The following LRRC4C variants were observed in gnomAD, a reference collection of about 807,000 sequenced individuals.
LRRC4C encodes leucine-rich repeat-containing protein 4C.
In LRRC4C, 5 loss-of-function variants were observed where a neutral mutation model predicts 33.6. The observed-to-expected ratio is 0.15, with a 90% CI of 0.08 to 0.31. The LOEUF (loss-of-function observed/expected upper bound fraction) is 0.31, where lower values mean the gene tolerates loss of function less well. LRRC4C is among the 10% of genes least tolerant of loss of function. LRRC4C has a pLI of 1.00. For missense variants in LRRC4C, 560 were observed against 796.7 expected (o/e 0.70, Z 3.58); for synonymous variants, 329 against 302.0 (o/e 1.09, Z -0.93).
chr11:40,697,339 C>T (rs765948836), intron 2 of LRRC4C, among the ~76,000 whole-genome samples: 3 of 152,012 alleles, frequency 2.0e-5, no homozygotes, highest in Middle Eastern at 3.4e-3. Flanking sequence ...AGACTCAAAG[C>T]GCAAGGAGGC....
At chr11:40,847,460 C>A (rs193205301) in intron 2 of LRRC4C, among the ~76,000 whole-genome samples, 4 of 152,194 alleles carry the variant, frequency 2.6e-5, no homozygotes, top group Admixed American at 2.0e-4. Context: ...TGTTGATCTG[C>A]GTATGTTGAA....
chr11:41,131,129 T>C (rs932336549), intron 1 of LRRC4C, among the ~76,000 whole-genome samples: 1 of 152,024 alleles, frequency 6.6e-6, no homozygotes, highest in Admixed American at 6.6e-5. Flanking sequence ...AGCCCGAGTT[T>C]AGTATGTCAT....
chr11:40,718,102 A>T (rs1946824667), intron 2 of LRRC4C, among the ~76,000 whole-genome samples: 1 of 152,208 alleles, frequency 6.6e-6, no homozygotes, highest in South Asian at 2.1e-4. Flanking sequence ...AGATTCCATC[A>T]AACGCATGGT....
intron 1 of LRRC4C, among the ~76,000 whole-genome samples, chr11:41,017,998 A>T (rs1855710459): frequency 6.6e-6 from 1 of 152,008 alleles, no homozygotes; most frequent in Non-Finnish European, 1.5e-5. Flanking sequence ...ATGGTCTTCA[A>T]GATGATAATC....
At chr11:40,848,934 T>C (rs1284985672) in intron 2 of LRRC4C, among the ~76,000 whole-genome samples, 1 of 152,190 alleles carries the variant, frequency 6.6e-6, no homozygotes, top group Non-Finnish European at 1.5e-5. Context: ...TTTGTTGGTT[T>C]AAAATCTGTT....
At chr11:40,528,142 AC>A (rs1244757792) in intron 3 of LRRC4C, among the ~76,000 whole-genome samples, 1 of 152,168 alleles carries the variant, frequency 6.6e-6, no homozygotes, top group African/African-American at 2.4e-5. Flanking sequence ...CTTGGATATA[AC>A]ACCGAAAGCA....
chr11:41,134,275 C>T (rs902059253), intron 1 of LRRC4C, among the ~76,000 whole-genome samples: 1 of 151,944 alleles, frequency 6.6e-6, no homozygotes, highest in Non-Finnish European at 1.5e-5. Flanking sequence ...GTATTTATTT[C>T]TTTATTTTTG....
At chr11:41,380,618 G>A (rs754715060) in intron 1 of LRRC4C, among the ~76,000 whole-genome samples, 4 of 152,060 alleles carry the variant, frequency 2.6e-5, no homozygotes, top group South Asian at 2.1e-4. Flanking sequence ...TAAAATGTAT[G>A]GATAAGCTGG....
At chr11:40,299,735 G>C (rs146955569) in intron 4 of LRRC4C, among the ~76,000 whole-genome samples, 2 of 152,304 alleles carry the variant, frequency 1.3e-5, no homozygotes, top group East Asian at 3.9e-4. Flanking sequence ...TTGACTAGAT[G>C]AATGAACTGT....
intron 1 of LRRC4C, among the ~76,000 whole-genome samples, chr11:41,443,526 A>C (rs996197257): frequency 2.0e-5 from 3 of 152,070 alleles, no homozygotes; most frequent in Admixed American, 1.3e-4. Flanking sequence ...AAAATAAAAT[A>C]AGGAAACAAA....
chr11:40,679,828 G>A (rs550531778), intron 2 of LRRC4C, among the ~76,000 whole-genome samples: 5 of 152,124 alleles, frequency 3.3e-5, no homozygotes, highest in Non-Finnish European at 7.4e-5. Flanking sequence ...GGAAATGTGG[G>A]GTCAGATCCC....
At chr11:40,925,739 A>C (rs1221379318) in intron 2 of LRRC4C, among the ~76,000 whole-genome samples, 1 of 152,178 alleles carries the variant, frequency 6.6e-6, no homozygotes, top group Non-Finnish European at 1.5e-5. Context: ...AAAATTGCTT[A>C]TCTCTATTAT....
intron 1 of LRRC4C, among the ~76,000 whole-genome samples, chr11:41,060,406 C>T: frequency 6.6e-6 from 1 of 152,206 alleles, no homozygotes; most frequent in East Asian, 1.9e-4. Flanking sequence ...TTTTCTCACA[C>T]TTCTGGAGGC....
At chr11:41,371,662 T>C (rs1424538234) in intron 1 of LRRC4C, among the ~76,000 whole-genome samples, 1 of 152,236 alleles carries the variant, frequency 6.6e-6, no homozygotes, top group Non-Finnish European at 1.5e-5. Context: ...ACAGTTCTTC[T>C]AAATTAAAAA....
chr11:40,955,311 C>T (rs1442213761), intron 1 of LRRC4C, among the ~76,000 whole-genome samples: 1 of 151,584 alleles, frequency 6.6e-6, no homozygotes, highest in Non-Finnish European at 1.5e-5. Context: ...GACAAAATGC[C>T]TTAAACATTT....
At chr11:41,224,321 G>A (rs1016138265) in intron 1 of LRRC4C, among the ~76,000 whole-genome samples, 2 of 151,982 alleles carry the variant, frequency 1.3e-5, no homozygotes, top group African/African-American at 4.8e-5. Context: ...TTATTTTACG[G>A]GACTAATGCA....
chr11:40,691,213 A>T (rs1565639624), intron 2 of LRRC4C, among the ~76,000 whole-genome samples: 1 of 152,006 alleles, frequency 6.6e-6, no homozygotes, highest in African/African-American at 2.4e-5. Flanking sequence ...AAAAAAACCC[A>T]TGTCTTGTGG....
At chr11:41,050,595 A>G (rs182035848) in intron 1 of LRRC4C, among the ~76,000 whole-genome samples, 1 of 152,162 alleles carries the variant, frequency 6.6e-6, no homozygotes, top group Non-Finnish European at 1.5e-5. Context: ...TTCCAGCTTC[A>G]TCCTTGTCCC....
At chr11:40,150,537 C>T (rs1004775208) in intron 5 of LRRC4C, among the ~76,000 whole-genome samples, 1 of 152,206 alleles carries the variant, frequency 6.6e-6, no homozygotes, top group African/African-American at 2.4e-5. Flanking sequence ...TTACTACAGC[C>T]TCAAACTCCT....
Sources: allele counts gnomAD v4.1 joint callset (sites outside exome capture counted in the v4.1 genomes callset), GRCh38; gene constraint gnomAD v4.1.1; transcripts MANE v1.5; gene names NCBI Gene and HGNC (gene_info 2026-07-23, HGNC 2026-07-21).